ZNF710: variants seen among roughly 807,000 people sequenced by gnomAD.
The protein encoded by ZNF710 is zinc finger protein 710.
In ZNF710, 13 loss-of-function variants were observed where a neutral mutation model predicts 50.6. The observed-to-expected ratio is 0.26, with a 90% CI of 0.17 to 0.41. ZNF710 has a LOEUF of 0.41. Ranked by LOEUF, ZNF710 falls within the 10% of genes least tolerant of loss-of-function variation. The pLI is 1.00. For missense variants in ZNF710, 721 were observed against 936.6 expected (o/e 0.77, Z 3.01); for synonymous variants, 383 against 397.0 (o/e 0.96, Z 0.42).
At chr15:90,042,171 A>C (rs927625299) in intron 1 of ZNF710, among the ~76,000 whole-genome samples, 8 of 152,026 alleles carry the variant, frequency 5.3e-5, no homozygotes, top group African/African-American at 1.7e-4. Context: ...TGCTGGGATT[A>C]CAGGCGAGAG....
At position 90,023,975 on chromosome 15, in the gene ZNF710, G is replaced by A. The variant is rs1898697878; in HGVS notation, c.-29+22361G>A. ...GATCGTGCCACTGCACTGCAGTCTGGGTGACAGAGTGAGACCTTCAAAAAA... is the reference window on the plus strand; with the variant it reads ...GATCGTGCCACTGCACTGCAGTCTGAGTGACAGAGTGAGACCTTCAAAAAA... On this transcript the variant is annotated intron_variant, in intron 1 of 4. Transcript: ENST00000268154. Among the ~76,000 whole-genome samples, 8 of 152,104 alleles carry A rather than the reference G, an allele frequency of 5.3e-5. No homozygotes were observed. In the South Asian group the frequency reaches 1.7e-3, roughly 32 times the overall value.
chr15:90,027,454 C>G (rs189555788), intron 1 of ZNF710, among the ~76,000 whole-genome samples: 2 of 152,262 alleles, frequency 1.3e-5, no homozygotes, highest in East Asian at 1.9e-4. Context: ...AAATGATCCA[C>G]CTGCCTCGGC....
chr15:90,064,141 GC>G (rs1424135661), intron 1 of ZNF710, among the ~76,000 whole-genome samples: 1 of 152,254 alleles, frequency 6.6e-6, no homozygotes, highest in Non-Finnish European at 1.5e-5. Context: ...CAGGAGGGTT[GC>G]CGCTGGGTGC....
chr15:90,014,307 A>C (rs1898391957), intron 1 of ZNF710, among the ~76,000 whole-genome samples: 2 of 152,108 alleles, frequency 1.3e-5, no homozygotes, highest in South Asian at 4.1e-4. Flanking sequence ...GGTAAGAAAG[A>C]GTGTAATTCT....
At chr15:90,010,821 G>C (rs1898278872) in intron 1 of ZNF710, among the ~76,000 whole-genome samples, 1 of 152,020 alleles carries the variant, frequency 6.6e-6, no homozygotes, top group Admixed American at 6.6e-5. Context: ...CAGGATCATA[G>C]CTTACTGTAA....
At chr15:90,074,474 C>G (rs552747230) in intron 4 of ZNF710, 184 bp downstream of exon 4, 1 of 1,529,566 alleles carries the variant, frequency 6.5e-7, no homozygotes, top group East Asian at 2.5e-5. Flanking sequence ...ATATTTATGT[C>G]TTCTTCAAAG....
chr15:90,020,213 C>T (rs998592307), intron 1 of ZNF710, among the ~76,000 whole-genome samples: 36 of 152,318 alleles, frequency 2.4e-4, no homozygotes, highest in African/African-American at 7.7e-4. Context: ...TGCGTGACAG[C>T]GCATTCTTCA....
At chr15:90,038,753 T>C (rs1268189813) in intron 1 of ZNF710, among the ~76,000 whole-genome samples, 2 of 95,518 alleles carry the variant, frequency 2.1e-5, no homozygotes, top group African/African-American at 1.2e-4. Context: ...GACATTGGCT[T>C]TGAAGAGTCC....
chr15:90,008,441 C>CACATATATATATACGTATAT (rs1555454983), intron 1 of ZNF710, among the ~76,000 whole-genome samples: 1 of 126,512 alleles, frequency 7.9e-6, no homozygotes, highest in African/African-American at 3.8e-5. Flanking sequence ...TATATATATA[C>CACATATATATATACGTATAT]ATATATATAT....
intron 1 of ZNF710, among the ~76,000 whole-genome samples, chr15:90,013,637 C>CT (rs1350620985): frequency 2.6e-5 from 4 of 151,962 alleles, no homozygotes; most frequent in South Asian, 4.2e-4. Flanking sequence ...TCAGAGGAAC[C>CT]TTTTTTTTAA....
chr15:90,059,692 A>G lies in ZNF710; in HGVS notation c.-28-7418A>G, dbSNP rs562079400. Among the ~76,000 whole-genome samples, 3 of 152,308 alleles carry G rather than the reference A, an allele frequency of 2.0e-5. No individual in the cohort carries two copies. Among genetic ancestry groups the G allele is most frequent in the South Asian group, 4.1e-4 (2 of 4,830 alleles). On this transcript the variant is annotated intron_variant, in intron 1 of 4. Transcript: ENST00000268154. This position sits in a 1 kb window ranked among gnomAD's most constrained non-coding sequence, Gnocchi z 4.1. ...GGCTCCTGAGGCCTGTGGGCTGGGC[A>G]GAAGTGAGACTGTGGCAAGGGGCCC...
rs143052504 is a variant in ZNF710 at position 90,021,901 on chromosome 15, G to A, written c.-29+20287G>A. ...AGAAGTTCAAGACCAGGTGAACATA[G>A]CAAAACCCGTCTCTACTAAAAATAC... On this transcript the variant is annotated intron_variant, in intron 1 of 4. Coordinates refer to ENST00000268154, the MANE Select transcript of ZNF710 (RefSeq NM_198526.4). 6.2e-3 allele frequency among the ~76,000 whole-genome samples: 937 copies of A among 152,184 alleles called. 3 individuals carry two copies. The highest frequency in any genetic ancestry group is 9.9e-3 in the Non-Finnish European group (670 of 68,010).
At chr15:90,042,340 T>C (rs1261433333) in intron 1 of ZNF710, among the ~76,000 whole-genome samples, 1 of 151,924 alleles carries the variant, frequency 6.6e-6, no homozygotes, top group Admixed American at 6.6e-5. Flanking sequence ...CCCTGATCCA[T>C]TGTGTCTCCC....
At chr15:90,024,734 G>A (rs1247682450) in intron 1 of ZNF710, among the ~76,000 whole-genome samples, 2 of 152,174 alleles carry the variant, frequency 1.3e-5, no homozygotes, top group Non-Finnish European at 2.9e-5. Flanking sequence ...CTGAGGGTGG[G>A]CAGGTAGGTC....
At chr15:90,023,512 T>C (rs1055698302) in intron 1 of ZNF710, among the ~76,000 whole-genome samples, 6 of 152,284 alleles carry the variant, frequency 3.9e-5, no homozygotes, top group Middle Eastern at 3.4e-3. Flanking sequence ...TGGCATCAAA[T>C]TGAACATAAA....
chr15:90,069,228 C>CAAA (rs1231164801), intron 2 of ZNF710, among the ~76,000 whole-genome samples: 3 of 69,620 alleles, frequency 4.3e-5, no homozygotes, highest in African/African-American at 4.9e-5. Context: ...AACTCCATCT[C>CAAA]AAAAAAAAAA....
In ZNF710 at chr15:90,079,903, C is replaced by T. The variant is rs1900682110; in HGVS notation, c.*74C>T. 2.2e-6 allele frequency: 3 copies of T among 1,383,456 alleles called. No homozygotes were observed. Among genetic ancestry groups the T allele is most frequent in the South Asian group, 1.5e-5 (1 of 65,616 alleles). 85.7% of individuals were successfully genotyped at this position (1,383,456 alleles called of 1,614,324 possible). On this transcript the variant is annotated 3_prime_UTR_variant, in exon 5 of 5. Transcript: ENST00000268154. ...TGAGACCCATGGGCTGCAGGCTGCA[C>T]CTCCTGCAGCCGAGAAACAAGCTAC...
chr15:90,063,761 T>C (rs1482159915), intron 1 of ZNF710, among the ~76,000 whole-genome samples: 2 of 152,002 alleles, frequency 1.3e-5, no homozygotes, highest in Non-Finnish European at 2.9e-5. Context: ...CTGGCTGACG[T>C]TTTTGCCCTC....
At chr15:90,078,336 C>T (rs1211327767) in intron 4 of ZNF710, among the ~76,000 whole-genome samples, 1 of 152,238 alleles carries the variant, frequency 6.6e-6, no homozygotes, top group South Asian at 2.1e-4. Context: ...GCATTAGCTG[C>T]GAATATCCTC....
Sources: allele counts gnomAD v4.1 joint callset (sites outside exome capture counted in the v4.1 genomes callset), GRCh38; gene constraint gnomAD v4.1.1; non-coding constraint Gnocchi (gnomAD v3.1); transcripts MANE v1.5; gene names NCBI Gene and HGNC (gene_info 2026-07-23, HGNC 2026-07-21).